The following SIK3 variants were observed in gnomAD, a reference collection of about 807,000 sequenced individuals.
SIK3 encodes the protein serine/threonine-protein kinase SIK3.
In SIK3, 28 loss-of-function variants were observed where a neutral mutation model predicts 144.2. The ratio of observed to expected loss-of-function variants is 0.19; its 90% confidence interval spans 0.14 to 0.27. The LOEUF is 0.27. Ranked by LOEUF, SIK3 falls within the 10% of genes least tolerant of loss-of-function variation. The pLI, the probability that SIK3 is intolerant of heterozygous loss-of-function variation, is 1.00. For synonymous variants in SIK3, 686 were observed against 676.3 expected (o/e 1.01, Z -0.22); for missense variants, 1,319 against 1,776.0 (o/e 0.74, Z 4.62).
chr11:116,969,559 T>C (rs1490229011), intron 1 of SIK3, among the ~76,000 whole-genome samples: 4 of 107,252 alleles, frequency 3.7e-5, no homozygotes, highest in African/African-American at 1.5e-4. Context: ...AGTTGGCATT[T>C]TTTGAAACTA....
chr11:117,098,074 C>T, intron 1 of SIK3, 69 bp downstream of exon 1: 1 of 1,235,990 alleles, frequency 8.1e-7, no homozygotes, highest in Non-Finnish European at 1.0e-6. Context: ...CCCGACCCCC[C>T]GGCTGGGGGG....
In SIK3 at chr11:116,858,252, G is replaced by A. The variant is rs1943084600; in HGVS notation, c.3213C>T (p.Asn1071=). The change falls in exon 21 of 25, where the codon AAC becomes AAT. Residue 1071 remains asparagine (N), a synonymous_variant. Coordinates refer to ENST00000445177, the MANE Select transcript of SIK3 (RefSeq NM_001366686.3). This position sits in a 1 kb window ranked among gnomAD's most constrained non-coding sequence, Gnocchi z 5.4. Reference sequence around the variant, plus strand: ...GAGCCAGACTCCCCGCATCCCCTTGGTTCATGTGCCTGAACAGTTCCTGGT... The same window carrying A: ...GAGCCAGACTCCCCGCATCCCCTTGATTCATGTGCCTGAACAGTTCCTGGT... ...QEYQELFRHM[N]QGDAGSLAPS... The A allele has an allele frequency of 6.2e-7, 1 of 1,613,918 alleles. No individual in the cohort carries two copies. Among genetic ancestry groups the A allele is most frequent in the African/African-American group, 1.3e-5 (1 of 74,918 alleles).
In SIK3 at chr11:117,018,684, G is replaced by T. The variant is rs543731597; in HGVS notation, c.274-61620C>A. The stretch of plus-strand genomic sequence containing the variant: ...GAAAATGGCAACTCTAAACAAGACT[G>T]AATTATTGTATCATTGTTTTTATTT... On this transcript the variant is annotated intron_variant, in intron 1 of 24. Coordinates refer to ENST00000445177, the MANE Select transcript of SIK3 (RefSeq NM_001366686.3). 4.0e-4 allele frequency among the ~76,000 whole-genome samples: 60 copies of T among 151,396 alleles called. 2 individuals carry two copies. In the South Asian group the frequency reaches 0.013, roughly 32 times the overall value.
At chr11:116,919,741 A>AT (rs549103862) in intron 4 of SIK3, among the ~76,000 whole-genome samples, 2 of 152,124 alleles carry the variant, frequency 1.3e-5, no homozygotes, top group African/African-American at 4.8e-5. Context: ...TCAAAACACC[A>AT]TTTTTTTGAT....
At chr11:116,916,874 G>C (rs971683151) in intron 4 of SIK3, among the ~76,000 whole-genome samples, 4 of 151,956 alleles carry the variant, frequency 2.6e-5, no homozygotes, top group African/African-American at 9.7e-5. Context: ...GGAGGCTGAG[G>C]CAGGAAGATC....
intron 20 of SIK3, 46 bp downstream of exon 20, chr11:116,859,219 C>T (rs1184903368): frequency 1.2e-5 from 19 of 1,549,994 alleles, no homozygotes; most frequent in Non-Finnish European, 1.4e-5. Flanking sequence ...CTTCCTCCCA[C>T]CTGGATCCCA....
chr11:116,973,585 G>T (rs117322649), intron 1 of SIK3, among the ~76,000 whole-genome samples: 2 of 152,036 alleles, frequency 1.3e-5, no homozygotes, highest in Non-Finnish European at 2.9e-5. Context: ...CTTCCTTCCA[G>T]ACAGTACATT....
rs1941776989 is a variant in SIK3, at chr11:116,844,614, A to G, written c.*1029T>C. 1 of 41,434 alleles carries G rather than the reference A, an allele frequency of 2.4e-5. No homozygotes were observed. The highest frequency in any genetic ancestry group is 2.2e-4 in the Admixed American group (1 of 4,564). The allele number at this position is 41,434 out of a possible 1,614,324, so 2.6% of individuals were successfully genotyped here. On this transcript the variant is annotated 3_prime_UTR_variant, in exon 25 of 25. Coordinates refer to ENST00000445177, the MANE Select transcript of SIK3 (RefSeq NM_001366686.3). ...TATATATTTTATATATATATTATATATATAATATATATATAATATATTATA... is the reference window on the plus strand; with the variant it reads ...TATATATTTTATATATATATTATATGTATAATATATATATAATATATTATA...
At chr11:116,940,642 T>C (rs868653271) in intron 3 of SIK3, among the ~76,000 whole-genome samples, 1 of 152,026 alleles carries the variant, frequency 6.6e-6, no homozygotes, top group Non-Finnish European at 1.5e-5. Flanking sequence ...TAAATGAATG[T>C]TTTAGTGTAA....
At chr11:116,965,746 T>C (rs1309886351) in intron 1 of SIK3, among the ~76,000 whole-genome samples, 7 of 5,420 alleles carry the variant, frequency 1.3e-3, no homozygotes, top group African/African-American at 3.0e-3. Context: ...TATATATATA[T>C]ATATATATAT....
chr11:116,859,516 G>A lies in SIK3; in HGVS notation c.2514C>T (p.Asn838=), dbSNP rs368075975. 1.5e-5 allele frequency: 24 copies of A among 1,614,218 alleles called. No individual in the cohort carries two copies. In the African/African-American group the frequency reaches 1.9e-4, roughly 13 times the overall value. Reference sequence around the variant, plus strand: ...GCATACCCAAGCAGGTTAGTGCCACGTTGGGAGGAGAGGAACAGTTCTCAG... The same window carrying A: ...GCATACCCAAGCAGGTTAGTGCCACATTGGGAGGAGAGGAACAGTTCTCAG... ...QQPENCSSPP[N]VALTCLGMQQ... The change falls in exon 20 of 25, where the codon AAC becomes AAT. Residue 838 remains asparagine, a synonymous_variant. Transcript: ENST00000445177.
At chr11:116,982,311 C>T (rs540474374) in intron 1 of SIK3, among the ~76,000 whole-genome samples, 5 of 147,658 alleles carry the variant, frequency 3.4e-5, no homozygotes, top group South Asian at 2.2e-4. Context: ...TTTTTTCAGA[C>T]GGAGTCTCAC....
chr11:117,071,020 C>T (rs1040135267), intron 1 of SIK3, among the ~76,000 whole-genome samples: 1 of 152,036 alleles, frequency 6.6e-6, no homozygotes, highest in South Asian at 2.1e-4. Context: ...TGAGCCACTG[C>T]GGCCAGCCCA....
chr11:117,078,414 C>CTTT lies in SIK3; in HGVS notation c.273+19726_273+19728dup, dbSNP rs752116300. Among the ~76,000 whole-genome samples, 102 of 131,478 alleles carry CTTT rather than the reference C, an allele frequency of 7.8e-4. 2 individuals are homozygous for CTTT. The highest frequency in any genetic ancestry group is 3.9e-3 in the Middle Eastern group (1 of 254). 86.3% of individuals were successfully genotyped at this position (131,478 alleles called of 152,430 possible). On this transcript the variant is annotated intron_variant, in intron 1 of 24. Transcript: ENST00000445177. ...GGCTAAACTGAAATCTGCATAACACCTTTTTTTTTTTTTTTTTTTTGAGAC... is the reference window on the plus strand; with the variant it reads ...GGCTAAACTGAAATCTGCATAACACCTTTTTTTTTTTTTTTTTTTTTTTGAGAC...
chr11:117,027,253 T>A (rs1260052299), intron 1 of SIK3, among the ~76,000 whole-genome samples: 1 of 152,184 alleles, frequency 6.6e-6, no homozygotes, highest in Non-Finnish European at 1.5e-5. Flanking sequence ...AGAGAAAACA[T>A]GGAAAACAGG....
At chr11:116,887,245 TAAAA>T (rs5795056) in intron 6 of SIK3, among the ~76,000 whole-genome samples, 68 of 103,572 alleles carry the variant, frequency 6.6e-4, no homozygotes, top group South Asian at 2.9e-3. Flanking sequence ...GTCTCTACAC[TAAAA>T]AAAAAAAAAA....
At chr11:117,014,679 C>T (rs1403046961) in intron 1 of SIK3, among the ~76,000 whole-genome samples, 1 of 152,182 alleles carries the variant, frequency 6.6e-6, no homozygotes, top group Non-Finnish European at 1.5e-5. Flanking sequence ...TCAAGGCATA[C>T]ACCATGATGT....
chr11:116,957,830 T>G lies in SIK3; in HGVS notation c.274-766A>C, dbSNP rs193291566. ...TAGGTAGCTTGGCTTTAGAATCAAA[T>G]TCTTAATAAGAATGTTATAAGAATC... On this transcript the variant is annotated intron_variant, in intron 1 of 24. Transcript: ENST00000445177. Among the ~76,000 whole-genome samples, 42 of 152,326 alleles carry G rather than the reference T, an allele frequency of 2.8e-4. No individual in the cohort carries two copies. In the East Asian group the frequency reaches 7.3e-3, roughly 27 times the overall value.
chr11:117,053,947 TTTTC>T (rs1215374696), intron 1 of SIK3, among the ~76,000 whole-genome samples: 6 of 152,040 alleles, frequency 3.9e-5, no homozygotes, highest in African/African-American at 1.2e-4. Flanking sequence ...ACACCCAGCA[TTTTC>T]TTTCTATTTT....
Sources: allele counts gnomAD v4.1 joint callset (sites outside exome capture counted in the v4.1 genomes callset), GRCh38; gene constraint gnomAD v4.1.1; non-coding constraint Gnocchi (gnomAD v3.1); transcripts MANE v1.5; gene names NCBI Gene and HGNC (gene_info 2026-07-23, HGNC 2026-07-21).